Variants in DPP6 observed in about 807,000 individuals in gnomAD.
DPP6 encodes dipeptidyl peptidase like 6, also known as A-type potassium channel modulatory protein DPP6.
DPP6 carries 69 observed loss-of-function variants against 122.6 expected under a neutral mutation model. That is an observed-to-expected ratio of 0.56 (90% CI 0.46 to 0.69). The LOEUF is 0.69. Ranked by LOEUF, DPP6 falls within the 30% of genes least tolerant of loss-of-function variation. The probability of loss-of-function intolerance (pLI) is 0.00; values close to 1 mark genes in which losing one functional copy is unlikely to be tolerated. For synonymous variants in DPP6, 418 were observed against 433.1 expected, an observed-to-expected ratio of 0.97 and a Z score of 0.43; for missense variants, 928 against 1,116.9, an observed-to-expected ratio of 0.83 and a Z score of 2.41.
intron 16 of DPP6, among the ~76,000 whole-genome samples, chr7:154,812,366 A>G (rs1372264962): frequency 6.6e-6 from 1 of 152,144 alleles, no homozygotes; most frequent in Admixed American, 6.5e-5. Context: ...ATATAACTTT[A>G]TTGTCTTAGT....
In DPP6 at chr7:154,893,462, A is replaced by AAC. The variant is rs1806799901; in HGVS notation, c.*983_*984insCA. On this transcript the variant is annotated 3_prime_UTR_variant, in exon 26 of 26. Coordinates refer to ENST00000377770, the MANE Select transcript of DPP6 (RefSeq NM_130797.4). ...CCATGACATTTGGTTTAAAAAAAAAAAAAAAAAAAAAAAAAAAACAGAAAA... is the reference window on the plus strand; with the variant it reads ...CCATGACATTTGGTTTAAAAAAAAAAACAAAAAAAAAAAAAAAAAACAGAAAA... The AAC allele has an allele frequency of 1.6e-5, 2 of 128,958 alleles. No individual in the cohort carries two copies. Among genetic ancestry groups the AAC allele is most frequent in the Non-Finnish European group, 1.6e-5 (1 of 63,584 alleles). The allele number at this position is 128,958 out of a possible 1,614,324, so 8.0% of individuals were successfully genotyped here. A position where few individuals can be genotyped will look rare whatever the true frequency, so the allele number is the denominator to read the frequency against.
At chr7:154,514,878 T>C (rs1055845986) in intron 3 of DPP6, among the ~76,000 whole-genome samples, 1 of 152,220 alleles carries the variant, frequency 6.6e-6, no homozygotes, top group African/African-American at 2.4e-5. Flanking sequence ...CGAGTCTCTG[T>C]TTTCACTTCT....
chr7:153,886,008 C>A (rs1211666795), upstream of DPP6, among the ~76,000 whole-genome samples: 2 of 151,992 alleles, frequency 1.3e-5, no homozygotes, highest in Admixed American at 6.6e-5. Flanking sequence ...TTCTTTTTTA[C>A]AAACGGAGAT....
Position 154,311,757 on chromosome 7 carries a change from G to A in DPP6, c.244-134457G>A, listed in dbSNP as rs75021030. Among the ~76,000 whole-genome samples, 1,177 of 152,192 alleles carry A rather than the reference G, an allele frequency of 7.7e-3. 15 individuals are homozygous for A. Among genetic ancestry groups the A allele is most frequent in the African/African-American group, 0.026 (1,096 of 41,528 alleles). ...TCAGGACTCTTTACTTCTACATCCC[G>A]GGTAGGCCCTTAATCTCCACTGGTA... is the stretch of plus-strand genomic sequence containing the variant. On this transcript the variant is annotated intron_variant, in intron 1 of 25. Coordinates refer to ENST00000377770, the MANE Select transcript of DPP6 (RefSeq NM_130797.4).
intron 8 of DPP6, among the ~76,000 whole-genome samples, chr7:154,756,124 C>A (rs552369864): frequency 6.6e-6 from 1 of 152,212 alleles, no homozygotes; most frequent in Admixed American, 6.5e-5. Flanking sequence ...TTTTTCTCTT[C>A]TCCAACTTCC....
intron 3 of DPP6, among the ~76,000 whole-genome samples, chr7:154,537,181 C>T (rs76498517): frequency 0.033 from 4,959 of 151,870 alleles, 268 homozygotes; most frequent in African/African-American, 0.11. Flanking sequence ...ATGGGATGTA[C>T]AAAAAATCTC....
intron 7 of DPP6, among the ~76,000 whole-genome samples, chr7:154,679,649 C>T (rs977093302): frequency 2.6e-5 from 4 of 152,200 alleles, no homozygotes; most frequent in Non-Finnish European, 5.9e-5. Context: ...AGAGGAGAGT[C>T]TTTAATGAAA....
intron 17 of DPP6, among the ~76,000 whole-genome samples, chr7:154,867,056 T>C (rs1201232065): frequency 6.6e-6 from 1 of 152,066 alleles, no homozygotes; most frequent in East Asian, 1.9e-4. Context: ...TTGTGATCAT[T>C]TGTTTACGCT....
chr7:154,067,931 T>A (rs1802856114), intron 1 of DPP6, among the ~76,000 whole-genome samples: 1 of 134,304 alleles, frequency 7.4e-6, no homozygotes, highest in Admixed American at 6.9e-5. Flanking sequence ...TGTTTGTTTG[T>A]TTGTTTTTTT....
At chr7:154,599,071 G>A (rs1833268539) in intron 5 of DPP6, among the ~76,000 whole-genome samples, 1 of 152,116 alleles carries the variant, frequency 6.6e-6, no homozygotes, top group African/African-American at 2.4e-5. Context: ...TTCTTCTAAG[G>A]GCGATACATT....
chr7:154,008,653 CTTTTCTT>C (rs1163421277), intron 1 of DPP6, among the ~76,000 whole-genome samples: 94 of 139,606 alleles, frequency 6.7e-4, no homozygotes, highest in African/African-American at 2.3e-3. Context: ...AATATTATTT[CTTTTCTT>C]TTTTTTTTTT....
At chr7:153,989,394 G>A (rs1024503918) in intron 1 of DPP6, among the ~76,000 whole-genome samples, 5 of 151,286 alleles carry the variant, frequency 3.3e-5, no homozygotes, top group African/African-American at 4.8e-5. Flanking sequence ...TTGTGTGATT[G>A]TGTGTACACA....
At position 154,154,195 on chromosome 7, in the gene DPP6, T is replaced by C. The variant is rs537735391; in HGVS notation, c.243+101132T>C. Among the ~76,000 whole-genome samples, 10 of 152,366 alleles carry C rather than the reference T, an allele frequency of 6.6e-5. No individual in the cohort carries two copies. The South Asian group carries it at 1.7e-3, about 25-fold the overall frequency. On this transcript the variant is annotated intron_variant, in intron 1 of 25. Coordinates refer to ENST00000377770, the MANE Select transcript of DPP6 (RefSeq NM_130797.4). Reference sequence around the variant, plus strand: ...AAGAAGAAAAGGTCTAGGGGAACTATTCCTTATATTGTGGAAATATTCCAT... The same window carrying C: ...AAGAAGAAAAGGTCTAGGGGAACTACTCCTTATATTGTGGAAATATTCCAT...
chr7:154,019,208 CTG>C (rs1798575062), intron 1 of DPP6, among the ~76,000 whole-genome samples: 1 of 152,138 alleles, frequency 6.6e-6, no homozygotes, highest in East Asian at 1.9e-4. Context: ...TATTAAGAGT[CTG>C]TTATCTTCTT....
chr7:154,772,955 CTATTA>C lies in DPP6; in HGVS notation c.1136+15_1136+19del, dbSNP rs529031098. 152 of 1,490,950 alleles carry C rather than the reference CTATTA, an allele frequency of 1.0e-4. 1 individual carries two copies. In the East Asian group the frequency reaches 3.3e-3, roughly 32 times the overall value. The allele number at this position is 1,490,950 out of a possible 1,614,324, so 92.4% of individuals were successfully genotyped here. On this transcript the variant is annotated intron_variant, in intron 10 of 25. Transcript: ENST00000377770. ...ATCCACGGATGAGGTTTGCTTCCTT[CTATTA>C]TGTTACCAAAAAAAAAAAAAAACTA...
At chr7:154,453,388 C>A (rs1820557997) in intron 2 of DPP6, among the ~76,000 whole-genome samples, 1 of 152,146 alleles carries the variant, frequency 6.6e-6, no homozygotes, top group Admixed American at 6.5e-5. Flanking sequence ...ATAGAGATTA[C>A]TTTTACGGAA....
chr7:153,800,611 G>T, the DPP6 span, among the ~76,000 whole-genome samples: 3 of 152,076 alleles, frequency 2.0e-5, no homozygotes, highest in Non-Finnish European at 2.9e-5. Flanking sequence ...CCACCTCCCA[G>T]GTTCAAGCCA....
chr7:154,260,106 G>C (rs1802897528), intron 1 of DPP6, among the ~76,000 whole-genome samples: 1 of 152,126 alleles, frequency 6.6e-6, no homozygotes, highest in African/African-American at 2.4e-5. Context: ...TTGGTCCCAG[G>C]CAGGGGAAGC....
chr7:154,835,273 C>T (rs900597227), intron 16 of DPP6, among the ~76,000 whole-genome samples: 1 of 152,222 alleles, frequency 6.6e-6, no homozygotes, highest in East Asian at 1.9e-4. Context: ...TGCTGTGCGA[C>T]GTCAGAGGCA....
Sources: gnomAD v4.1 joint callset for allele counts (sites outside exome capture counted in the v4.1 genomes callset) on GRCh38, gnomAD v4.1.1 for gene constraint, MANE v1.5 for transcripts, NCBI Gene and HGNC (gene_info 2026-07-23, HGNC 2026-07-21) for gene names.